Variants in BOD1L1 observed in about 807,000 individuals in gnomAD.
BOD1L1 encodes biorientation of chromosomes in cell division protein 1-like 1.
In BOD1L1, 86 loss-of-function variants were observed where a neutral mutation model predicts 240.7. The observed-to-expected ratio is 0.36, with a 90% confidence interval of 0.30 to 0.43. The LOEUF is 0.43. Among genes scored for constraint, BOD1L1 ranks in the 20% least tolerant of loss-of-function variants. BOD1L1 has a pLI of 1.00. For synonymous variants in BOD1L1, 1,268 were observed against 1,272.3 expected (o/e 1.00, Z 0.07); for missense variants, 3,554 against 3,643.5 (o/e 0.98, Z 0.63).
chr4:13,620,171 T>G (rs1716934472), intron 1 of BOD1L1, 104 bp from the exon 2 acceptor site: 1 of 1,216,090 alleles, frequency 8.2e-7, no homozygotes, highest in East Asian at 2.6e-5. Flanking sequence ...TCACAGTTTC[T>G]GACAATTCTG....
chr4:13,604,677 CACAG>C lies in BOD1L1; in HGVS notation c.2219_2222del (p.Ser740Ter). The stretch of plus-strand genomic sequence containing the variant: ...TACAATCACCTTTATATTTATGTTT[CACAG>C]ACAATTTGTCTTCCGATGGAGTTTT... On this transcript the variant is annotated frameshift_variant, in exon 10 of 26. Coordinates refer to ENST00000040738, the MANE Select transcript of BOD1L1 (RefSeq NM_148894.3). LOFTEE classifies it high-confidence loss of function. The C allele has an allele frequency of 6.3e-7, 1 of 1,592,066 alleles. No homozygotes were observed.
intron 21 of BOD1L1, 93 bp downstream of exon 21, chr4:13,580,927 A>G: frequency 8.1e-7 from 1 of 1,235,380 alleles, no homozygotes; most frequent in Non-Finnish European, 1.1e-6. Flanking sequence ...TTTCAAGTAA[A>G]AAAAATAAAG....
intron 1 of BOD1L1, among the ~76,000 whole-genome samples, chr4:13,626,941 T>C (rs1360988234): frequency 6.6e-6 from 1 of 152,212 alleles, no homozygotes; most frequent in African/African-American, 2.4e-5. Flanking sequence ...TCAATTACCA[T>C]TTAGTCATTT....
At chr4:13,585,896 TGTGAGGCCTCCCCAGCCATGCGGAACC>T (rs1280296097) in intron 17 of BOD1L1, among the ~76,000 whole-genome samples, 1 of 152,194 alleles carries the variant, frequency 6.6e-6, no homozygotes, top group African/African-American at 2.4e-5. Flanking sequence ...CTACCATGAT[TGTGAGGCCTCCCCAGCCATGCGGAACC>T]GTGAGTCAAT....
In BOD1L1 at chr4:13,615,366, T is replaced by C. The variant is rs1716506634; in HGVS notation, c.505A>G (p.Ser169Gly). Residue 169 changes from serine (S) to glycine (G), a missense_variant, in exon 3 of 26, where the codon AGT (serine) becomes GGT (glycine). By Grantham distance (56) the Ser-to-Gly change is moderately conservative. Transcript: ENST00000040738. Reference sequence around the variant, plus strand: ...TCATCATCGGGAGCTGTGTTGCCACTTCCTTCCTCTTTGTGATTTAGCGTG... The same window carrying C: ...TCATCATCGGGAGCTGTGTTGCCACCTCCTTCCTCTTTGTGATTTAGCGTG... ...LATLNHKEEG[S>G]GNTAPDDEKP... 6.2e-7 allele frequency: 1 copy of C among 1,613,580 alleles called. No individual in the cohort carries two copies. Among genetic ancestry groups the C allele is most frequent in the African/African-American group, 1.3e-5 (1 of 74,916 alleles).
rs1268751831 is a variant in BOD1L1, at chr4:13,576,993, T to C, written c.8885-2A>G. 1 of 1,613,482 alleles carries C rather than the reference T, an allele frequency of 6.2e-7. No individual in the cohort carries two copies. Among genetic ancestry groups the C allele is most frequent in the South Asian group, 1.1e-5 (1 of 91,024 alleles). ...GTTTTCTTTCTGGCTCTGAGGATTC[T>C]GTTCAAATAGAAGGGTAACACCTGG... On this transcript the variant is annotated splice_acceptor_variant, in intron 24 of 25. Transcript: ENST00000040738. LOFTEE classifies it high-confidence loss of function.
intron 10 of BOD1L1, 27 bp from the exon 11 acceptor site, chr4:13,597,195 A>C: frequency 4.5e-6 from 7 of 1,564,564 alleles, no homozygotes; most frequent in Non-Finnish European, 6.1e-6. Flanking sequence ...CATTTAGTAC[A>C]GTTTAAGAAT....
chr4:13,617,079 T>G (rs920965629), intron 2 of BOD1L1, among the ~76,000 whole-genome samples: 21 of 151,764 alleles, frequency 1.4e-4, no homozygotes, highest in African/African-American at 5.1e-4. Context: ...ACCTCATCTC[T>G]CCTAAAAATA....
rs1404692072 is a variant in BOD1L1, at chr4:13,602,867, C to T, written c.4033G>A (p.Glu1345Lys). Residue 1345 changes from glutamate to lysine, a missense_variant, in exon 10 of 26, where the codon GAA (glutamate) becomes AAA (lysine). By Grantham distance (56) the Glu-to-Lys change is moderately conservative (BLOSUM62 1). Transcript: ENST00000040738. ...SEVLKTSDSK[E>K]GGEGFTVDTP... Reference sequence around the variant, plus strand: ...TCTACTGTGAAACCTTCACCACCTTCTTTGCTGTCACTTGTCTTAAGGACT... The same window carrying T: ...TCTACTGTGAAACCTTCACCACCTTTTTTGCTGTCACTTGTCTTAAGGACT... 6.2e-7 allele frequency: 1 copy of T among 1,613,908 alleles called. No homozygotes were observed. The highest frequency in any genetic ancestry group is 8.5e-7 in the Non-Finnish European group (1 of 1,179,904).
In BOD1L1 at chr4:13,601,986, G is replaced by A. The variant is rs561052858; in HGVS notation, c.4914C>T (p.Ile1638=). The A allele has an allele frequency of 1.7e-5, 28 of 1,613,914 alleles. No individual in the cohort carries two copies. The highest frequency in any genetic ancestry group is 1.6e-4 in the Middle Eastern group (1 of 6,062). The change falls in exon 10 of 26, where the codon ATC becomes ATT. Residue 1638 remains isoleucine (I), a synonymous_variant. Transcript: ENST00000040738. ...TCACAACGCTATTTACATTGGCTTC[G>A]ATTTTAACTGCATGCACAGCCAGTA... is the stretch of plus-strand genomic sequence containing the variant. ...ADLLAVHAVK[I]EANVNSVVTE...
chr4:13,621,388 G>C (rs1168013136), intron 1 of BOD1L1, among the ~76,000 whole-genome samples: 1 of 152,156 alleles, frequency 6.6e-6, no homozygotes, highest in Non-Finnish European at 1.5e-5. Context: ...TCTCATATCT[G>C]CACCTACCAT....
In BOD1L1 at chr4:13,614,210, T is replaced by G. The variant is rs927482216; in HGVS notation, c.1160A>C (p.Glu387Ala). The change falls in exon 4 of 26, where the codon GAA becomes GCA. Residue 387 changes from glutamate to alanine, a missense_variant. This residue lies in a region of BOD1L1 where 3,393 missense variants were observed against 3,427.1 expected (regional missense o/e 0.99). Transcript: ENST00000040738. ...TTTTTATATACCTTCTTTTGTCCCTTCAACAGTTTTAGCTTTATTACTGTT... is the reference window on the plus strand; with the variant it reads ...TTTTTATATACCTTCTTTTGTCCCTGCAACAGTTTTAGCTTTATTACTGTT... ...EKNSNKAKTV[E>A]GTKEDFSLID... is the part of the protein sequence containing the mutation. The G allele has an allele frequency of 6.6e-7, 1 of 1,508,986 alleles. No homozygotes were observed. Among genetic ancestry groups the G allele is most frequent in the Non-Finnish European group, 8.8e-7 (1 of 1,133,220 alleles). 93.5% of individuals were successfully genotyped at this position (1,508,986 alleles called of 1,614,324 possible). A position where few individuals can be genotyped will look rare whatever the true frequency, so the allele number is the denominator to read the frequency against.
At chr4:13,590,235 C>T (rs1252506901) in intron 14 of BOD1L1, 151 bp downstream of exon 14, 3 of 457,788 alleles carry the variant, frequency 6.6e-6, no homozygotes, top group Non-Finnish European at 1.2e-5. Flanking sequence ...AACTATACTC[C>T]TGATGCTGTT....
At chr4:13,592,326 A>T (rs997881610) in intron 12 of BOD1L1, 51 of 176,544 alleles carry the variant, frequency 2.9e-4, no homozygotes, top group African/African-American at 9.7e-4. Flanking sequence ...TTCATTTAAA[A>T]TAATAGCGTC....
intron 19 of BOD1L1, 113 bp from the exon 20 acceptor site, chr4:13,581,320 C>T: frequency 1.4e-6 from 1 of 707,686 alleles, no homozygotes; most frequent in Non-Finnish European, 2.3e-6. Context: ...GACCTCAAAT[C>T]CTAGCTTTGT....
At position 13,608,515 on chromosome 4, in the gene BOD1L1, A is replaced by G; in HGVS notation, c.1742+15T>C. The G allele has an allele frequency of 6.6e-7, 1 of 1,514,568 alleles. No homozygotes were observed. Among genetic ancestry groups the G allele is most frequent in the Non-Finnish European group, 8.8e-7 (1 of 1,136,142 alleles). The allele number at this position is 1,514,568 out of a possible 1,614,324, so 93.8% of individuals were successfully genotyped here. A position where few individuals can be genotyped will look rare whatever the true frequency, so the allele number is the denominator to read the frequency against. ...GGAGTGTTATAAGGGAAACATGACC[A>G]GATAAAATATGTACCTTGAATCTTT... On this transcript the variant is annotated intron_variant, in intron 8 of 25. Transcript: ENST00000040738.
In BOD1L1 at chr4:13,603,862, T is replaced by G. The variant is rs1215610637; in HGVS notation, c.3038A>C (p.Glu1013Ala). 2 of 1,613,642 alleles carry G rather than the reference T, an allele frequency of 1.2e-6. No individual in the cohort carries two copies. The highest frequency in any genetic ancestry group is 2.2e-5 in the South Asian group (2 of 91,088). ...TTTGTGGCCATCTGACAACTTTCTC[T>G]CAAGCCTGGTGGAAGTGGAGTCTTT... ...SDKDSTSTRL[E>A]RKLSDGHKSR... Residue 1013 changes from glutamate to alanine, a missense_variant, in exon 10 of 26, where the codon GAG becomes GCG. Glu to Ala is a moderately radical substitution (Grantham distance 107). Coordinates refer to ENST00000040738, the MANE Select transcript of BOD1L1 (RefSeq NM_148894.3).
chr4:13,601,835 C>T lies in BOD1L1; in HGVS notation c.5065G>A (p.Ala1689Thr), dbSNP rs1330017375. Residue 1689 changes from alanine (A) to threonine (T), a missense_variant, in exon 10 of 26, where the codon GCA becomes ACA. By Grantham distance (58) the Ala-to-Thr change is moderately conservative. Transcript: ENST00000040738. ...ATCTCTGTTCCAGCACTTGTAACTGCTCCATCACTTTCAACTTCACTAATA... is the reference window on the plus strand; with the variant it reads ...ATCTCTGTTCCAGCACTTGTAACTGTTCCATCACTTTCAACTTCACTAATA... ...TFISEVESDG[A>T]VTSAGTEIRA... 1 of 1,613,878 alleles carries T rather than the reference C, an allele frequency of 6.2e-7. No individual in the cohort carries two copies. The highest frequency in any genetic ancestry group is 8.5e-7 in the Non-Finnish European group (1 of 1,179,908).
chr4:13,602,387 C>A lies in BOD1L1; in HGVS notation c.4513G>T (p.Val1505Leu). Residue 1505 changes from valine (V) to leucine (L), a missense_variant, in exon 10 of 26, where the codon GTG becomes TTG. Physicochemically the swap from Val to Leu is conservative, Grantham distance 32. Transcript: ENST00000040738. ...LHQRNGQTED[V>L]ATGPRRAEKT... ...TCTGCTCTCCTAGGCCCAGTTGCCACATCCTCAGTTTGTCCGTTCCTTTGG... is the reference window on the plus strand; with the variant it reads ...TCTGCTCTCCTAGGCCCAGTTGCCAAATCCTCAGTTTGTCCGTTCCTTTGG... 3 of 1,613,978 alleles carry A rather than the reference C, an allele frequency of 1.9e-6. No homozygotes were observed. Among genetic ancestry groups the A allele is most frequent in the Non-Finnish European group, 2.5e-6 (3 of 1,179,880 alleles).
Sources: allele counts gnomAD v4.1 joint callset (sites outside exome capture counted in the v4.1 genomes callset), GRCh38; gene constraint gnomAD v4.1.1; regional missense constraint gnomAD v4.1.1; transcripts MANE v1.5; gene names NCBI Gene and HGNC (gene_info 2026-07-23, HGNC 2026-07-21).